The following CALCR variants were observed in gnomAD, a reference collection of about 807,000 sequenced individuals.
CALCR encodes calcitonin receptor.
In CALCR, 47 loss-of-function variants were observed where a neutral mutation model predicts 59.5. The ratio of observed to expected loss-of-function variants is 0.79; its 90% confidence interval spans 0.63 to 1.01. CALCR has a LOEUF of 1.01. Ranked by LOEUF, CALCR falls within the 50% of genes least tolerant of loss-of-function variation. The pLI, the probability that CALCR is intolerant of heterozygous loss-of-function variation, is 0.00. For missense variants in CALCR, 566 were observed against 597.1 expected (o/e 0.95, Z 0.54); for synonymous variants, 213 against 211.3 (o/e 1.01, Z -0.07).
chr7:93,502,943 G>A (rs1281721821), intron 2 of CALCR, among the ~76,000 whole-genome samples: 1 of 151,970 alleles, frequency 6.6e-6, no homozygotes, highest in Non-Finnish European at 1.5e-5. Context: ...GGCACTATGA[G>A]TATACACGTA....
At chr7:93,430,269 C>T (rs369447955) in intron 13 of CALCR, among the ~76,000 whole-genome samples, 4 of 152,184 alleles carry the variant, frequency 2.6e-5, no homozygotes, top group South Asian at 4.2e-4. Flanking sequence ...AAGCTAGATT[C>T]GTATTAAGCC....
At chr7:93,462,977 C>T (rs1800368972) in intron 7 of CALCR, among the ~76,000 whole-genome samples, 1 of 151,710 alleles carries the variant, frequency 6.6e-6, no homozygotes, top group African/African-American at 2.4e-5. Flanking sequence ...CACTCTCTGA[C>T]ACATCATTGG....
rs1799953425 is a variant in CALCR at position 93,443,611 on chromosome 7, C to A, written c.795G>T (p.Leu265Phe). The change falls in exon 9 of 14, where the codon TTG becomes TTT. Residue 265 changes from leucine (L) to phenylalanine (F), a missense_variant. Transcript: ENST00000426151. ...EKQRLRWYYL[L>F]GWGFPLVPTT... ...GCTGCAGAAAATACATACCCCAGCC[C>A]AAGAGATAATACCACCGCAAGCGTT... 1 of 1,612,866 alleles carries A rather than the reference C, an allele frequency of 6.2e-7. No homozygotes were observed. Among genetic ancestry groups the A allele is most frequent in the South Asian group, 1.1e-5 (1 of 90,966 alleles).
At chr7:93,477,345 C>A (rs1800687403) in intron 5 of CALCR, among the ~76,000 whole-genome samples, 1 of 151,684 alleles carries the variant, frequency 6.6e-6, no homozygotes, top group African/African-American at 2.4e-5. Context: ...TTAATACCAA[C>A]ACATATAACT....
At chr7:93,519,891 G>A (rs1250787891) in intron 2 of CALCR, among the ~76,000 whole-genome samples, 5 of 151,804 alleles carry the variant, frequency 3.3e-5, no homozygotes, top group Non-Finnish European at 7.4e-5. Context: ...TATGAATGTA[G>A]GTTTCCTGAG....
intron 2 of CALCR, among the ~76,000 whole-genome samples, chr7:93,504,150 A>T (rs1801378434): frequency 1.3e-5 from 2 of 152,168 alleles, no homozygotes; most frequent in Admixed American, 1.3e-4. Context: ...ACAATATACA[A>T]ACAAAGACAG....
intron 13 of CALCR, among the ~76,000 whole-genome samples, chr7:93,429,511 C>T (rs1189055494): frequency 1.3e-5 from 2 of 152,122 alleles, no homozygotes; most frequent in East Asian, 3.9e-4. Flanking sequence ...AAAATAGAGC[C>T]CTGGCCTCAC....
intron 6 of CALCR, among the ~76,000 whole-genome samples, chr7:93,470,897 G>A (rs1800537865): frequency 6.6e-6 from 1 of 151,114 alleles, no homozygotes; most frequent in East Asian, 2.0e-4. Context: ...CTAGCATTAG[G>A]TATATCTCCC....
At chr7:93,544,160 C>T (rs1322772583) in intron 2 of CALCR, among the ~76,000 whole-genome samples, 2 of 151,524 alleles carry the variant, frequency 1.3e-5, no homozygotes, top group Non-Finnish European at 2.9e-5. Flanking sequence ...ATCCTGCTTA[C>T]ATTGATAAGA....
intron 5 of CALCR, among the ~76,000 whole-genome samples, chr7:93,476,573 G>T (rs1800670498): frequency 6.6e-6 from 1 of 151,792 alleles, no homozygotes; most frequent in Non-Finnish European, 1.5e-5. Context: ...CTGAAAAGAT[G>T]GATCGATGCC....
At chr7:93,569,935 GAC>G (rs3068441) in intron 2 of CALCR, among the ~76,000 whole-genome samples, 8,436 of 143,802 alleles carry the variant, frequency 0.059, 377 homozygotes, top group African/African-American at 0.13. Context: ...GATGTAAAGG[GAC>G]ACACACACAC....
chr7:93,531,439 T>G (rs1788835006), intron 2 of CALCR, among the ~76,000 whole-genome samples: 1 of 152,132 alleles, frequency 6.6e-6, no homozygotes, highest in South Asian at 2.1e-4. Context: ...CAGAAATGTA[T>G]CCTTCCATCA....
chr7:93,460,781 C>G, intron 8 of CALCR, 40 bp downstream of exon 8: 1 of 1,510,636 alleles, frequency 6.6e-7, no homozygotes. Context: ...GTACTATATC[C>G]TTTAAAATAA....
At chr7:93,479,632 CTA>C in intron 3 of CALCR, 125 bp from the exon 4 acceptor site, 1 of 794,800 alleles carries the variant, frequency 1.3e-6, no homozygotes. Flanking sequence ...TTCATGGTCT[CTA>C]TGTACAGTTT....
chr7:93,566,963 A>G (rs1001117680), intron 2 of CALCR, among the ~76,000 whole-genome samples: 2 of 152,200 alleles, frequency 1.3e-5, no homozygotes, highest in South Asian at 2.1e-4. Flanking sequence ...TTTCTTGCCT[A>G]TAAGAGGTAT....
chr7:93,535,796 G>A (rs1226168375), intron 2 of CALCR, among the ~76,000 whole-genome samples: 1 of 151,712 alleles, frequency 6.6e-6, no homozygotes, highest in African/African-American at 2.4e-5. Context: ...GATGACTTCT[G>A]TGACCACATT....
At chr7:93,549,218 C>G (rs528192310) in intron 2 of CALCR, among the ~76,000 whole-genome samples, 6 of 152,016 alleles carry the variant, frequency 3.9e-5, no homozygotes, top group Non-Finnish European at 5.9e-5. Context: ...ATTTTAGCTG[C>G]TGAACTCTTT....
rs1799513453 is a variant in CALCR at position 93,425,844 on chromosome 7, G to A, written c.*512C>T. On this transcript the variant is annotated 3_prime_UTR_variant, in exon 14 of 14. Coordinates refer to ENST00000426151, the MANE Select transcript of CALCR (RefSeq NM_001742.4). The stretch of plus-strand genomic sequence containing the variant: ...AGCCGCTTTGTCTTGCAGAGGTCAC[G>A]TAGTTCATGTGGTTTACATTGTAAG... The A allele has an allele frequency of 6.6e-6, 1 of 152,294 alleles. No homozygotes were observed. Among genetic ancestry groups the A allele is most frequent in the Non-Finnish European group, 1.5e-5 (1 of 68,172 alleles). 9.4% of individuals were successfully genotyped at this position (152,294 alleles called of 1,614,324 possible).
In CALCR at chr7:93,453,381, T is replaced by C. The variant is rs572682878; in HGVS notation, c.648+7440A>G. Among the ~76,000 whole-genome samples, 7 of 152,176 alleles carry C rather than the reference T, an allele frequency of 4.6e-5. No homozygotes were observed. The South Asian group carries it at 1.5e-3, about 32-fold the overall frequency. On this transcript the variant is annotated intron_variant, in intron 8 of 13. Coordinates refer to ENST00000426151, the MANE Select transcript of CALCR (RefSeq NM_001742.4). ...ACTTACTCAATATTAAAGATTCATC[T>C]GTTAAGTAGAAGAGCGAGGACTTAG...
Sources: allele counts gnomAD v4.1 joint callset (sites outside exome capture counted in the v4.1 genomes callset), GRCh38; gene constraint gnomAD v4.1.1; transcripts MANE v1.5; gene names NCBI Gene and HGNC (gene_info 2026-07-23, HGNC 2026-07-21).